Variants in NCS1 observed in about 807,000 individuals in gnomAD.
NCS1 encodes the protein frequenin homolog.
NCS1 carries 6 observed loss-of-function variants against 28.4 expected under a neutral mutation model. That is an observed-to-expected ratio of 0.21 (90% confidence interval 0.12 to 0.42). The LOEUF is 0.42. NCS1 is among the 10% of genes least tolerant of loss of function. The pLI, the probability that NCS1 is intolerant of heterozygous loss-of-function variation, is 1.00. For synonymous variants in NCS1, 86 were observed against 99.3 expected, an observed-to-expected ratio of 0.87 and a Z score of 0.79; for missense variants, 131 against 241.4, an observed-to-expected ratio of 0.54 and a Z score of 3.03.
intron 2 of NCS1, among the ~76,000 whole-genome samples, chr9:130,206,078 ACT>A (rs1346976138): frequency 5.9e-5 from 9 of 152,052 alleles, no homozygotes; most frequent in African/African-American, 2.2e-4. Context: ...AGACAGTGAC[ACT>A]CTGCCCTCCT....
chr9:130,200,523 C>A, intron 1 of NCS1: 1 of 1,532,098 alleles, frequency 6.5e-7, no homozygotes, highest in South Asian at 1.2e-5. Flanking sequence ...GCTCCCCCCA[C>A]CCCCCCACAT....
chr9:130,197,556 G>A (rs1832890900), intron 1 of NCS1, among the ~76,000 whole-genome samples: 1 of 152,206 alleles, frequency 6.6e-6, no homozygotes, highest in Non-Finnish European at 1.5e-5. Context: ...TCAGCAGGGG[G>A]CTGGGGTTTG....
chr9:130,218,749 C>T (rs573517167), intron 3 of NCS1, among the ~76,000 whole-genome samples: 1 of 152,110 alleles, frequency 6.6e-6, no homozygotes, highest in South Asian at 2.1e-4. Flanking sequence ...CGTCACCACA[C>T]CTGGCTAATT....
At chr9:130,174,783 C>CT (rs782588460) in intron 1 of NCS1, among the ~76,000 whole-genome samples, 5 of 67,958 alleles carry the variant, frequency 7.4e-5, no homozygotes, top group Admixed American at 2.1e-4. Flanking sequence ...GAGGGAAACT[C>CT]TGTCTCCAAA....
At chr9:130,221,443 G>A (rs1383676548) in intron 4 of NCS1, among the ~76,000 whole-genome samples, 1 of 139,912 alleles carries the variant, frequency 7.1e-6, no homozygotes, top group Non-Finnish European at 1.5e-5. Flanking sequence ...GAGAGAGAGA[G>A]AGAGAGAGAA....
chr9:130,209,773 G>T lies in NCS1; in HGVS notation c.90-8059G>T, dbSNP rs138513354. On this transcript the variant is annotated intron_variant, in intron 2 of 7. Coordinates refer to ENST00000372398, the MANE Select transcript of NCS1 (RefSeq NM_014286.4). The surrounding 1 kb of genome is among the most constrained non-coding windows in gnomAD (Gnocchi z 4.4). ...TTTAAAGAAGTGTAAGAACGCCGTT[G>T]TTGAATCTAGGATTTTCTTTTCTCA... Among the ~76,000 whole-genome samples, 3,392 of 152,258 alleles carry T rather than the reference G, an allele frequency of 0.022. 71 individuals carry two copies. Among genetic ancestry groups the T allele is most frequent in the South Asian group, 0.047 (229 of 4,824 alleles).
chr9:130,192,065 G>C lies in NCS1; in HGVS notation c.65-8893G>C, dbSNP rs1832822986. Among the ~76,000 whole-genome samples, 1 of 152,212 alleles carries C rather than the reference G, an allele frequency of 6.6e-6. No homozygotes were observed. Among genetic ancestry groups the C allele is most frequent in the South Asian group, 2.1e-4 (1 of 4,828 alleles). The stretch of plus-strand genomic sequence containing the variant: ...CCGGGAGCTCTGGGCAGCAGGCCAG[G>C]CCTCCTTTCTGGGGCAGCTCAGGCC... On this transcript the variant is annotated intron_variant, in intron 1 of 7. Transcript: ENST00000372398. This position sits in a 1 kb window ranked among gnomAD's most constrained non-coding sequence, Gnocchi z 4.8.
At chr9:130,173,621 G>C (rs551507002) in intron 1 of NCS1, among the ~76,000 whole-genome samples, 2 of 152,180 alleles carry the variant, frequency 1.3e-5, no homozygotes, top group Non-Finnish European at 1.5e-5. Context: ...CTTCAGCATC[G>C]GGGTCTGGAA....
Position 130,222,641 on chromosome 9 carries a change from T to G in NCS1, c.308-9T>G, listed in dbSNP as rs782076899. 6.2e-7 allele frequency: 1 copy of G among 1,613,616 alleles called. No homozygotes were observed. On this transcript the variant is annotated splice_polypyrimidine_tract_variant and intron_variant, in intron 4 of 7. Transcript: ENST00000372398. ...CCCAGGATCACTCAGCAGTGCTGCT[T>G]GCTTACAGGGGCCTTCAAGCTCTAC...
chr9:130,213,594 CT>C (rs1322417390), intron 2 of NCS1, among the ~76,000 whole-genome samples: 3 of 136,950 alleles, frequency 2.2e-5, no homozygotes, highest in African/African-American at 5.5e-5. Flanking sequence ...GTTTTCTTTT[CT>C]TTTTTTTTGA....
chr9:130,191,809 G>A lies in NCS1; in HGVS notation c.65-9149G>A, dbSNP rs1475723048. 6.6e-6 allele frequency among the ~76,000 whole-genome samples: 1 copy of A among 152,230 alleles called. No homozygotes were observed. Among genetic ancestry groups the A allele is most frequent in the Admixed American group, 6.5e-5 (1 of 15,288 alleles). ...GAAGGGGCAGCGAGCAGAGCAGACG[G>A]GGCCCGCCCACCTTTCCTGCCAGCC... On this transcript the variant is annotated intron_variant, in intron 1 of 7. Coordinates refer to ENST00000372398, the MANE Select transcript of NCS1 (RefSeq NM_014286.4). This position sits in a 1 kb window ranked among gnomAD's most constrained non-coding sequence, Gnocchi z 6.4.
At chr9:130,185,692 G>A (rs569625639) in intron 1 of NCS1, among the ~76,000 whole-genome samples, 7 of 152,358 alleles carry the variant, frequency 4.6e-5, no homozygotes, top group South Asian at 2.1e-4. Context: ...GGGAAACAGC[G>A]AATGCTTTCC....
intron 1 of NCS1, among the ~76,000 whole-genome samples, chr9:130,200,199 G>C (rs1337651287): frequency 1.3e-5 from 2 of 152,218 alleles, no homozygotes; most frequent in Non-Finnish European, 2.9e-5. Context: ...CAGGGAGCAA[G>C]GGTGGCCTTG....
rs952269728 is a variant in NCS1, at chr9:130,191,430, C to T, written c.65-9528C>T. 1.3e-5 allele frequency among the ~76,000 whole-genome samples: 2 copies of T among 152,148 alleles called. No homozygotes were observed. Among genetic ancestry groups the T allele is most frequent in the Admixed American group, 6.5e-5 (1 of 15,280 alleles). On this transcript the variant is annotated intron_variant, in intron 1 of 7. Transcript: ENST00000372398. This position sits in a 1 kb window ranked among gnomAD's most constrained non-coding sequence, Gnocchi z 6.4. ...ATCCCCCAACAGGTGAAATACCCCCCGATTCGAGTGCTCAGCCTTCCTCCC... is the reference window on the plus strand; with the variant it reads ...ATCCCCCAACAGGTGAAATACCCCCTGATTCGAGTGCTCAGCCTTCCTCCC...
chr9:130,197,981 A>G (rs1192526317), intron 1 of NCS1, among the ~76,000 whole-genome samples: 5 of 151,734 alleles, frequency 3.3e-5, no homozygotes, highest in Admixed American at 6.6e-5. Flanking sequence ...AAAAAAAAAA[A>G]AAAGGCCCTC....
chr9:130,174,343 ATTAGCACC>A lies in NCS1; in HGVS notation c.64+1618_64+1625del, dbSNP rs539371730. Among the ~76,000 whole-genome samples the A allele has an allele frequency of 7.4e-3, 1,123 of 152,302 alleles. 9 individuals are homozygous for A. Among genetic ancestry groups the A allele is most frequent in the African/African-American group, 0.025 (1,055 of 41,568 alleles). ...TGTCACGTGCCAAGCTCTTGGCATC[ATTAGCACC>A]TCGACTCTGCCACAACTGCTCTACC... On this transcript the variant is annotated intron_variant, in intron 1 of 7. Coordinates refer to ENST00000372398, the MANE Select transcript of NCS1 (RefSeq NM_014286.4).
chr9:130,196,552 A>G (rs1434888025), intron 1 of NCS1, among the ~76,000 whole-genome samples: 1 of 152,194 alleles, frequency 6.6e-6, no homozygotes, highest in Non-Finnish European at 1.5e-5. Context: ...CAGCCTGGCC[A>G]GCATGGTGAA....
intron 4 of NCS1, among the ~76,000 whole-genome samples, chr9:130,222,156 A>C (rs577320847): frequency 1.6e-4 from 23 of 144,378 alleles, no homozygotes; most frequent in African/African-American, 6.0e-4. Flanking sequence ...ATATATATGT[A>C]TATACAGAGA....
At position 130,176,181 on chromosome 9, in the gene NCS1, TCTTTCTTTC is replaced by T. The variant is rs1564700773; in HGVS notation, c.64+3455_64+3463del. On this transcript the variant is annotated intron_variant, in intron 1 of 7. Coordinates refer to ENST00000372398, the MANE Select transcript of NCS1 (RefSeq NM_014286.4). ...TTCTTTCTTTCTTTCTTTCTTTCTT[TCTTTCTTTC>T]TTTCTTTTTTTTTTTTTTTGGAGAC... 7.4e-5 allele frequency among the ~76,000 whole-genome samples: 5 copies of T among 67,836 alleles called. 1 individual carries two copies. Among genetic ancestry groups the T allele is most frequent in the Non-Finnish European group, 6.9e-5 (3 of 43,248 alleles). The allele number at this position is 67,836 out of a possible 152,430, so 44.5% of individuals were successfully genotyped here.
Sources: allele counts gnomAD v4.1 joint callset (sites outside exome capture counted in the v4.1 genomes callset), GRCh38; gene constraint gnomAD v4.1.1; non-coding constraint Gnocchi (gnomAD v3.1); transcripts MANE v1.5; gene names NCBI Gene and HGNC (gene_info 2026-07-23, HGNC 2026-07-21).